The following SPPL2B variants were observed in gnomAD, a reference collection of about 807,000 sequenced individuals.
The protein encoded by SPPL2B is signal peptide peptidase like 2B.
SPPL2B carries 39 observed loss-of-function variants against 59.7 expected under a neutral mutation model. That is an observed-to-expected ratio of 0.65 (90% CI 0.51 to 0.85). The LOEUF is 0.85. Ranked by LOEUF, SPPL2B falls within the 40% of genes least tolerant of loss-of-function variation. SPPL2B has a pLI of 0.00. For synonymous variants in SPPL2B, 419 were observed against 370.8 expected (o/e 1.13, Z -1.49); for missense variants, 865 against 849.0 (o/e 1.02, Z -0.23).
At chr19:2,341,418 C>G (rs1969046010) in intron 8 of SPPL2B, 1 of 462,166 alleles carries the variant, frequency 2.2e-6, no homozygotes, top group Non-Finnish European at 4.3e-6. Flanking sequence ...TCCTCTTGGT[C>G]ATGACTGCTG....
At chr19:2,339,702 C>G (rs116674127) in intron 5 of SPPL2B, 122 bp from the exon 6 acceptor site, 50,158 of 1,155,690 alleles carry the variant, frequency 0.043, 1,332 homozygotes, top group Non-Finnish European at 0.053. Context: ...GCACTTCAGT[C>G]CCCCCCGGGT....
In SPPL2B at chr19:2,332,307, G is replaced by A. The variant is rs1968329236; in HGVS notation, c.67-2295G>A. ...AGGCCGGAGACTTTGCATGATTTCAGTGATGAGGGCCCGGCTGTTGGAGAG... is the reference window on the plus strand; with the variant it reads ...AGGCCGGAGACTTTGCATGATTTCAATGATGAGGGCCCGGCTGTTGGAGAG... On this transcript the variant is annotated intron_variant, in intron 1 of 14. Transcript: ENST00000613503. The surrounding 1 kb of genome is among the most constrained non-coding windows in gnomAD (Gnocchi z 4.6). Among the ~76,000 whole-genome samples the A allele has an allele frequency of 1.3e-5, 2 of 152,236 alleles. No homozygotes were observed. The highest frequency in any genetic ancestry group is 2.4e-5 in the African/African-American group (1 of 41,458).
rs535989162 is a variant in SPPL2B at position 2,345,068 on chromosome 19, C to T, written c.1277-185C>T. Among the ~76,000 whole-genome samples the T allele has an allele frequency of 2.1e-3, 317 of 152,232 alleles. 4 individuals carry two copies. Among genetic ancestry groups the T allele is most frequent in the African/African-American group, 6.7e-3 (279 of 41,520 alleles). ...TTGTTCTCACTGTGGTCTCAGTTTA[C>T]CCACTGAGAGTCATGGCAGCCCTGT... On this transcript the variant is annotated intron_variant, in intron 12 of 14. Coordinates refer to ENST00000613503, the MANE Select transcript of SPPL2B (RefSeq NM_152988.3).
intron 8 of SPPL2B, chr19:2,342,496 C>G (rs1006229542): frequency 1.3e-5 from 2 of 152,250 alleles, no homozygotes; most frequent in Non-Finnish European, 2.9e-5. Context: ...ACTAAAAATA[C>G]AAAAAAATTT....
rs369670940 is a variant in SPPL2B, at chr19:2,353,091, G to C, written c.1661G>C (p.Arg554Pro). The C allele has an allele frequency of 4.3e-6, 7 of 1,611,472 alleles. No homozygotes were observed. The South Asian group carries it at 6.6e-5, about 15-fold the overall frequency. The change falls in exon 15 of 15, where the codon CGC becomes CCC. Residue 554 changes from arginine to proline, a missense_variant. Transcript: ENST00000613503. ...CCTGCTGAGCAGTCCCCAAAATCAC[G>C]CACGTCCGAGGAGATGGGGGCTGGA... ...PWPAEQSPKSRTSEEMGAGAP... is the reference protein window; with the variant it reads ...PWPAEQSPKSPTSEEMGAGAP...
At chr19:2,343,349 C>G (rs1016758065) in intron 9 of SPPL2B, 57 bp downstream of exon 9, 2 of 1,401,242 alleles carry the variant, frequency 1.4e-6, no homozygotes, top group South Asian at 1.2e-5. Context: ...GCCCTTCATC[C>G]TAGCCTGGCC....
At chr19:2,348,517 G>A (rs572581163) in intron 13 of SPPL2B, among the ~76,000 whole-genome samples, 2,302 of 135,758 alleles carry the variant, frequency 0.017, 25 homozygotes, top group Non-Finnish European at 0.025. Context: ...GCTTGATTCC[G>A]TTCTCTCTCC....
rs538724504 is a variant in SPPL2B at position 2,332,754 on chromosome 19, C to T, written c.67-1848C>T. 6.6e-6 allele frequency among the ~76,000 whole-genome samples: 1 copy of T among 152,292 alleles called. No homozygotes were observed. Among genetic ancestry groups the T allele is most frequent in the Non-Finnish European group, 1.5e-5 (1 of 68,022 alleles). On this transcript the variant is annotated intron_variant, in intron 1 of 14. Coordinates refer to ENST00000613503, the MANE Select transcript of SPPL2B (RefSeq NM_152988.3). The surrounding 1 kb of genome is among the most constrained non-coding windows in gnomAD (Gnocchi z 4.6). ...TCTTCTGGGACCCCTCCTCCCTGTG[C>T]AGGCCGGGCTCCCCTGGGGGCCCAC...
intron 7 of SPPL2B, 88 bp from the exon 8 acceptor site, chr19:2,340,810 G>A (rs916214169): frequency 2.8e-6 from 2 of 716,594 alleles, no homozygotes; most frequent in Non-Finnish European, 4.6e-6. Context: ...ACTCTGCAGG[G>A]GGTGCCTGGG....
chr19:2,342,189 T>G (rs1969098197), intron 8 of SPPL2B: 1 of 153,036 alleles, frequency 6.5e-6, no homozygotes, highest in South Asian at 2.1e-4. Context: ...GAGGGGACTC[T>G]GGGGCTTCGT....
intron 1 of SPPL2B, 35 bp from the exon 2 acceptor site, chr19:2,334,567 G>A (rs761371920): frequency 6.9e-6 from 11 of 1,593,052 alleles, no homozygotes; most frequent in Non-Finnish European, 8.5e-6. Context: ...CGCACGTCCC[G>A]TGCTGTGGCT....
intron 12 of SPPL2B, 83 bp downstream of exon 12, chr19:2,344,735 C>T (rs2145180919): frequency 1.2e-6 from 1 of 858,660 alleles, no homozygotes; most frequent in Non-Finnish European, 1.9e-6. Context: ...GAGTGAGTGG[C>T]CCGCACACCG....
chr19:2,332,114 G>A lies in SPPL2B; in HGVS notation c.67-2488G>A, dbSNP rs779976103. ...CTGACTCTGCCTGGGCTCTGGGGGA[G>A]GTCACATGGGAGGTGCTTGGAGTGG... On this transcript the variant is annotated intron_variant, in intron 1 of 14. Transcript: ENST00000613503. The surrounding 1 kb of genome is among the most constrained non-coding windows in gnomAD (Gnocchi z 4.6). Among the ~76,000 whole-genome samples the A allele has an allele frequency of 6.6e-6, 1 of 152,232 alleles. No individual in the cohort carries two copies. The highest frequency in any genetic ancestry group is 1.5e-5 in the Non-Finnish European group (1 of 68,038).
intron 5 of SPPL2B, 43 bp downstream of exon 5, chr19:2,339,251 C>T: frequency 6.3e-7 from 1 of 1,580,198 alleles, no homozygotes; most frequent in South Asian, 1.1e-5. Flanking sequence ...GGTCGGGCGG[C>T]TCTGACACGG....
chr19:2,330,114 A>ATTT (rs71176539), intron 1 of SPPL2B, among the ~76,000 whole-genome samples: 5,905 of 147,882 alleles, frequency 0.04, 194 homozygotes, highest in Non-Finnish European at 0.063. Flanking sequence ...AAGCAGATCT[A>ATTT]TTTTTTTTTT....
At chr19:2,335,765 C>T (rs1057237203) in intron 2 of SPPL2B, among the ~76,000 whole-genome samples, 1 of 152,066 alleles carries the variant, frequency 6.6e-6, no homozygotes, top group Non-Finnish European at 1.5e-5. Context: ...TCAGGCCCCG[C>T]CTCCTTTCCC....
At chr19:2,342,935 C>T in intron 8 of SPPL2B, 1 of 479,360 alleles carries the variant, frequency 2.1e-6, no homozygotes, top group South Asian at 2.4e-5. Flanking sequence ...CCGGCCAGGC[C>T]TGTGTCCACT....
chr19:2,346,187 G>A (rs1568446864), intron 13 of SPPL2B, among the ~76,000 whole-genome samples: 2 of 152,228 alleles, frequency 1.3e-5, no homozygotes, highest in African/African-American at 2.4e-5. Context: ...TGGGCACAGG[G>A]CCAGGCCAGG....
At chr19:2,341,280 G>C (rs1297361825) in intron 8 of SPPL2B, 1 of 643,008 alleles carries the variant, frequency 1.6e-6, no homozygotes, top group Non-Finnish European at 2.9e-6. Context: ...ACGTCCTCCA[G>C]CCTGGATGGG....
Sources: allele counts gnomAD v4.1 joint callset (sites outside exome capture counted in the v4.1 genomes callset), GRCh38; gene constraint gnomAD v4.1.1; non-coding constraint Gnocchi (gnomAD v3.1); transcripts MANE v1.5; gene names NCBI Gene and HGNC (gene_info 2026-07-23, HGNC 2026-07-21).